The following JARID2 variants were observed in gnomAD, a reference collection of about 807,000 sequenced individuals.
JARID2 encodes the protein protein Jumonji.
A neutral mutation model predicts 125.6 loss-of-function variants in JARID2; 21 were observed. That is an observed-to-expected ratio of 0.17 (90% CI 0.12 to 0.24). The LOEUF is 0.24. Among genes scored for constraint, JARID2 ranks in the 10% least tolerant of loss-of-function variants. The pLI, the probability that JARID2 is intolerant of heterozygous loss-of-function variation, is 1.00. For missense variants in JARID2, 1,303 were observed against 1,639.6 expected, an observed-to-expected ratio of 0.79 and a Z score of 3.55; for synonymous variants, 736 against 661.6, an observed-to-expected ratio of 1.11 and a Z score of -1.73.
At chr6:15,425,660 A>C (rs1395772479) in intron 3 of JARID2, among the ~76,000 whole-genome samples, 1 of 152,218 alleles carries the variant, frequency 6.6e-6, no homozygotes, top group East Asian at 1.9e-4. Flanking sequence ...AGGTAATGGC[A>C]TGAAGGCCAT....
chr6:15,505,539 C>T (rs1770963013), intron 9 of JARID2, among the ~76,000 whole-genome samples: 1 of 152,216 alleles, frequency 6.6e-6, no homozygotes, highest in Non-Finnish European at 1.5e-5. Flanking sequence ...TGGTGCCCCA[C>T]CTCCTGATAG....
intron 7 of JARID2, among the ~76,000 whole-genome samples, chr6:15,499,601 C>T (rs895933951): frequency 1.5e-4 from 23 of 152,110 alleles, no homozygotes; most frequent in African/African-American, 5.1e-4. Flanking sequence ...CACCTGCCCT[C>T]GGAGGAAGAA....
At chr6:15,466,702 A>G (rs1768756993) in intron 4 of JARID2, among the ~76,000 whole-genome samples, 1 of 152,238 alleles carries the variant, frequency 6.6e-6, no homozygotes, top group South Asian at 2.1e-4. Context: ...ACTGAAAACT[A>G]TGCTAATTAG....
At chr6:15,422,540 C>A (rs756237111) in intron 3 of JARID2, among the ~76,000 whole-genome samples, 1 of 152,180 alleles carries the variant, frequency 6.6e-6, no homozygotes, top group Non-Finnish European at 1.5e-5. Context: ...GCTGCACATG[C>A]TGCTCATCGA....
chr6:15,349,789 G>T (rs1038867524), intron 1 of JARID2, among the ~76,000 whole-genome samples: 2 of 152,178 alleles, frequency 1.3e-5, no homozygotes, highest in Non-Finnish European at 2.9e-5. Flanking sequence ...CTTCCCGCAA[G>T]CAATGCCTTA....
intron 3 of JARID2, among the ~76,000 whole-genome samples, chr6:15,418,340 C>T (rs1171042086): frequency 6.6e-6 from 1 of 151,534 alleles, no homozygotes; most frequent in Non-Finnish European, 1.5e-5. Flanking sequence ...GCCTCAGCCT[C>T]CTGAGTAGCT....
At chr6:15,350,734 T>TG (rs1161427652) in intron 1 of JARID2, among the ~76,000 whole-genome samples, 1 of 150,826 alleles carries the variant, frequency 6.6e-6, no homozygotes, top group Admixed American at 6.6e-5. Flanking sequence ...TTTAAGGTTT[T>TG]TTTTTTTTTT....
At chr6:15,481,349 T>A (rs1028432526) in intron 5 of JARID2, among the ~76,000 whole-genome samples, 1 of 152,248 alleles carries the variant, frequency 6.6e-6, no homozygotes, top group African/African-American at 2.4e-5. Flanking sequence ...AAGAAACTAG[T>A]CCAATTATTT....
chr6:15,391,150 C>T (rs1447037650), intron 2 of JARID2, among the ~76,000 whole-genome samples: 1 of 151,992 alleles, frequency 6.6e-6, no homozygotes, highest in Non-Finnish European at 1.5e-5. Context: ...GGTTTGCCCC[C>T]TTCTAGGTTC....
At chr6:15,261,472 G>A (rs1042842014) in intron 1 of JARID2, among the ~76,000 whole-genome samples, 1 of 150,282 alleles carries the variant, frequency 6.7e-6, no homozygotes, top group African/African-American at 2.4e-5. Flanking sequence ...CGTGCGCCAC[G>A]ACACCCACCT....
At chr6:15,519,796 C>T (rs767390581) in intron 17 of JARID2, among the ~76,000 whole-genome samples, 19 of 150,512 alleles carry the variant, frequency 1.3e-4, no homozygotes, top group Non-Finnish European at 2.4e-4. Context: ...CTCTGGGCTC[C>T]CCTGCCAGCC....
rs552150776 is a variant in JARID2 at position 15,415,926 on chromosome 6, C to G, written c.323+5561C>G. Among the ~76,000 whole-genome samples, 4 of 152,080 alleles carry G rather than the reference C, an allele frequency of 2.6e-5. No homozygotes were observed. In the South Asian group the frequency reaches 8.3e-4, roughly 32 times the overall value. ...GCCAGGCAGAGACGCTCCTCACTTC[C>G]CAGACGGGGTGGCTGCCGGGCGGAG... On this transcript the variant is annotated intron_variant, in intron 3 of 17. Transcript: ENST00000341776.
Position 15,410,292 on chromosome 6 carries a change from G to A in JARID2, c.250G>A (p.Asp84Asn). The A allele has an allele frequency of 1.9e-6, 3 of 1,613,966 alleles. No individual in the cohort carries two copies. Among genetic ancestry groups the A allele is most frequent in the Non-Finnish European group, 2.5e-6 (3 of 1,179,838 alleles). ...ASEQSENEKDDASQVSSTSND... is the reference protein window; with the variant it reads ...ASEQSENEKDNASQVSSTSND... ...AGAACAGTCAGAGAATGAAAAGGACGATGCATCCCAAGTGTCCTCCACTAG... is the reference window on the plus strand; with the variant it reads ...AGAACAGTCAGAGAATGAAAAGGACAATGCATCCCAAGTGTCCTCCACTAG... The change falls in exon 3 of 18, where the codon GAT becomes AAT. Residue 84 changes from aspartate to asparagine, a missense_variant. Coordinates refer to ENST00000341776, the MANE Select transcript of JARID2 (RefSeq NM_004973.4).
chr6:15,478,755 C>T (rs1165761724), intron 5 of JARID2, among the ~76,000 whole-genome samples: 2 of 152,068 alleles, frequency 1.3e-5, no homozygotes, highest in East Asian at 3.9e-4. Context: ...CTGCAGTCTC[C>T]ACCTCCCGGG....
intron 1 of JARID2, among the ~76,000 whole-genome samples, chr6:15,263,111 T>TGTGG (rs1759950053): frequency 8.3e-6 from 1 of 120,604 alleles, no homozygotes; most frequent in Admixed American, 8.2e-5. Context: ...TGTGTGTGTG[T>TGTGG]GTGTGTGGTA....
chr6:15,265,333 CTG>C (rs890541864), intron 1 of JARID2, among the ~76,000 whole-genome samples: 5 of 149,786 alleles, frequency 3.3e-5, no homozygotes, highest in Admixed American at 6.7e-5. Flanking sequence ...GTTCTTGTCT[CTG>C]TAGTTCTGCA....
At chr6:15,436,233 A>G (rs1305309043) in intron 3 of JARID2, among the ~76,000 whole-genome samples, 1 of 152,164 alleles carries the variant, frequency 6.6e-6, no homozygotes, top group Non-Finnish European at 1.5e-5. Flanking sequence ...GAAGAATCGG[A>G]TCACACGTGG....
intron 1 of JARID2, among the ~76,000 whole-genome samples, chr6:15,322,634 G>A (rs1762397006): frequency 6.6e-6 from 1 of 152,174 alleles, no homozygotes; most frequent in Admixed American, 6.5e-5. Context: ...CATATTTTTA[G>A]CCAGGAGCCA....
intron 2 of JARID2, among the ~76,000 whole-genome samples, chr6:15,377,873 ATTT>A (rs1218573316): frequency 1.3e-4 from 18 of 134,244 alleles, no homozygotes; most frequent in Non-Finnish European, 2.7e-4. Context: ...TTTTTTTTCA[ATTT>A]TTTTTCTTCT....
Sources: allele counts gnomAD v4.1 joint callset (sites outside exome capture counted in the v4.1 genomes callset), GRCh38; gene constraint gnomAD v4.1.1; transcripts MANE v1.5; gene names NCBI Gene and HGNC (gene_info 2026-07-23, HGNC 2026-07-21).